ERBB4: variants seen among roughly 807,000 people sequenced by gnomAD.
ERBB4 encodes the protein erb-b2 receptor tyrosine kinase 4.
Under a neutral mutation model 158.0 loss-of-function variants are expected in ERBB4, and 42 were observed. The observed-to-expected ratio is 0.27, with a 90% CI of 0.21 to 0.34. The LOEUF (loss-of-function observed/expected upper bound fraction) is 0.34. Among genes scored for constraint, ERBB4 ranks in the 10% least tolerant of loss-of-function variants. ERBB4 has a pLI of 1.00. For missense variants in ERBB4, 1,333 were observed against 1,624.1 expected, an observed-to-expected ratio of 0.82 and a Z score of 3.08; for synonymous variants, 583 against 558.7, an observed-to-expected ratio of 1.04 and a Z score of -0.61.
chr2:211,617,518 T>G (rs568118722), intron 19 of ERBB4, among the ~76,000 whole-genome samples: 1 of 152,158 alleles, frequency 6.6e-6, no homozygotes, highest in Non-Finnish European at 1.5e-5. Flanking sequence ...CTTACTGTTA[T>G]ATAGATGCCG....
At chr2:212,386,748 T>A (rs2106426611) in intron 1 of ERBB4, among the ~76,000 whole-genome samples, 2 of 152,116 alleles carry the variant, frequency 1.3e-5, no homozygotes, top group South Asian at 4.1e-4. Context: ...CTCACTACCC[T>A]CCTTGTTCTT....
intron 1 of ERBB4, among the ~76,000 whole-genome samples, chr2:212,279,304 T>C (rs1480261691): frequency 6.6e-6 from 1 of 151,540 alleles, no homozygotes; most frequent in Non-Finnish European, 1.5e-5. Context: ...AGATCTCTAC[T>C]GAAATTTACT....
At chr2:211,474,974 G>A (rs1039101760) in intron 20 of ERBB4, among the ~76,000 whole-genome samples, 2 of 151,964 alleles carry the variant, frequency 1.3e-5, no homozygotes, top group African/African-American at 2.4e-5. Context: ...GAAATGGGAA[G>A]CTAAGTCAGG....
chr2:211,963,504 T>G (rs1002933108), intron 2 of ERBB4, among the ~76,000 whole-genome samples: 2 of 152,124 alleles, frequency 1.3e-5, no homozygotes, highest in African/African-American at 2.4e-5. Flanking sequence ...TTAATATTCT[T>G]GTATTAATAT....
intron 2 of ERBB4, among the ~76,000 whole-genome samples, chr2:212,044,624 T>C (rs951761678): frequency 6.6e-6 from 1 of 152,182 alleles, no homozygotes; most frequent in Non-Finnish European, 1.5e-5. Flanking sequence ...CTGAAGACTG[T>C]ATAAATTCTC....
chr2:212,021,887 A>T (rs1223135478), intron 2 of ERBB4, among the ~76,000 whole-genome samples: 2 of 152,204 alleles, frequency 1.3e-5, no homozygotes, highest in Non-Finnish European at 1.5e-5. Context: ...TTCTCAAAAG[A>T]AGACATTTAT....
chr2:211,903,476 C>T (rs1002921188), intron 3 of ERBB4, among the ~76,000 whole-genome samples: 16 of 151,844 alleles, frequency 1.1e-4, no homozygotes, highest in Non-Finnish European at 2.2e-4. Flanking sequence ...AAAGAAAGAC[C>T]AATTCATGAG....
At chr2:212,116,326 T>C (rs11902413) in intron 2 of ERBB4, among the ~76,000 whole-genome samples, 1,854 of 152,232 alleles carry the variant, frequency 0.012, 27 homozygotes, top group African/African-American at 0.041. Context: ...TTCCTTCTAA[T>C]ACTTCTTCAA....
chr2:212,437,066 C>T (rs2092153731), intron 1 of ERBB4, among the ~76,000 whole-genome samples: 1 of 152,048 alleles, frequency 6.6e-6, no homozygotes, highest in African/African-American at 2.4e-5. Context: ...CGTATAATCT[C>T]AGGGCAAGGT....
chr2:212,221,149 T>C (rs1160737563), intron 1 of ERBB4, among the ~76,000 whole-genome samples: 3 of 151,422 alleles, frequency 2.0e-5, no homozygotes, highest in Admixed American at 6.6e-5. Context: ...TGCAAATATA[T>C]AAATCTAAGC....
chr2:211,439,103 G>C (rs959356083), intron 20 of ERBB4, among the ~76,000 whole-genome samples: 1 of 151,918 alleles, frequency 6.6e-6, no homozygotes, highest in African/African-American at 2.4e-5. Context: ...ACATTCAGCT[G>C]GAAGTTTTGG....
chr2:211,830,448 C>T lies in ERBB4; in HGVS notation c.422-42289G>A, dbSNP rs144640897. Among the ~76,000 whole-genome samples the T allele has an allele frequency of 2.3e-3, 350 of 152,096 alleles. 2 individuals are homozygous for T. Among genetic ancestry groups the T allele is most frequent in the African/African-American group, 8.1e-3 (338 of 41,516 alleles). ...TAATGATTCCCTTTTTATTTCGTAC[C>T]ACTTCTATTTTACTCTTTTGACTTA... On this transcript the variant is annotated intron_variant, in intron 3 of 27. Transcript: ENST00000342788.
At chr2:211,907,019 C>T (rs1575354872) in intron 3 of ERBB4, among the ~76,000 whole-genome samples, 2 of 151,624 alleles carry the variant, frequency 1.3e-5, no homozygotes, top group East Asian at 3.9e-4. Flanking sequence ...GTTCTTCTGA[C>T]CTTTTTTCCA....
intron 2 of ERBB4, among the ~76,000 whole-genome samples, chr2:212,003,044 ACT>A (rs901393445): frequency 3.4e-5 from 5 of 148,314 alleles, no homozygotes; most frequent in African/African-American, 1.2e-4. Context: ...ACAGAGCGAA[ACT>A]CTGTCTCAAA....
chr2:211,759,880 A>G (rs2075367760), intron 4 of ERBB4, among the ~76,000 whole-genome samples: 1 of 151,450 alleles, frequency 6.6e-6, no homozygotes, highest in Admixed American at 6.6e-5. Context: ...CAGTTTTGTC[A>G]TCTGCTATTT....
chr2:211,712,264 AT>A, intron 8 of ERBB4, 88 bp from the exon 9 acceptor site: 1 of 1,262,592 alleles, frequency 7.9e-7, no homozygotes, highest in Non-Finnish European at 1.1e-6. Flanking sequence ...ATAGCAGAGT[AT>A]TTTTAATTGT....
chr2:211,971,804 G>A (rs1237839671), intron 2 of ERBB4, among the ~76,000 whole-genome samples: 3 of 151,746 alleles, frequency 2.0e-5, no homozygotes, highest in Non-Finnish European at 4.4e-5. Context: ...AAAATTACAT[G>A]ATTATTAATA....
chr2:212,373,920 T>TATATCCATATATATATCC lies in ERBB4; in HGVS notation c.82+164528_82+164529insGGATATATATATGGATAT, dbSNP rs1560146609. On this transcript the variant is annotated intron_variant, in intron 1 of 27. Transcript: ENST00000342788. ...ATATATATCCATGTATATATCCATA[T>TATATCCATATATATATCC]ATATATATCCATATATATCCATATA... is the stretch of plus-strand genomic sequence containing the variant. Among the ~76,000 whole-genome samples, 6 of 92,800 alleles carry TATATCCATATATATATCC rather than the reference T, an allele frequency of 6.5e-5. 2 individuals are homozygous for TATATCCATATATATATCC. The highest frequency in any genetic ancestry group is 3.4e-4 in the African/African-American group (6 of 17,792). 60.9% of individuals were successfully genotyped at this position (92,800 alleles called of 152,430 possible). A position where few individuals can be genotyped will look rare whatever the true frequency, so the allele number is the denominator to read the frequency against.
rs1374593186 is a variant in ERBB4 at position 212,435,755 on chromosome 2, A to G, written c.82+102694T>C. On this transcript the variant is annotated intron_variant, in intron 1 of 27. Transcript: ENST00000342788. ...ATGTTAATATTATTTAGATAAGAAA[A>G]CATAGTCTTAAAATTATACATGGCT... 3.3e-5 allele frequency among the ~76,000 whole-genome samples: 5 copies of G among 152,052 alleles called. No individual in the cohort carries two copies. In the South Asian group the frequency reaches 8.3e-4, roughly 25 times the overall value.
Sources: gnomAD v4.1 joint callset for allele counts (sites outside exome capture counted in the v4.1 genomes callset) on GRCh38, gnomAD v4.1.1 for gene constraint, MANE v1.5 for transcripts, NCBI Gene and HGNC (gene_info 2026-07-23, HGNC 2026-07-21) for gene names.